EYS: variants seen among roughly 807,000 people sequenced by gnomAD.
EYS encodes the protein EGF-like photoreceptor maintenance factor.
Under a neutral mutation model 282.1 loss-of-function variants are expected in EYS, and 250 were observed. The observed-to-expected ratio is 0.89, with a 90% CI of 0.80 to 0.98. The LOEUF (loss-of-function observed/expected upper bound fraction) is 0.98, where lower values mean the gene tolerates loss of function less well. Ranked by LOEUF, EYS falls within the 50% of genes least tolerant of loss-of-function variation. The pLI, the probability that EYS is intolerant of heterozygous loss-of-function variation, is 0.00. For missense variants in EYS, 4,016 were observed against 3,709.0 expected (o/e 1.08, Z -2.15); for synonymous variants, 1,355 against 1,282.9 (o/e 1.06, Z -1.20).
intron 2 of EYS, among the ~76,000 whole-genome samples, chr6:65,532,177 A>T (rs1308987660): frequency 2.0e-5 from 3 of 152,058 alleles, no homozygotes; most frequent in Non-Finnish European, 4.4e-5. Flanking sequence ...CTACCTGCTA[A>T]ATTATATATA....
intron 2 of EYS, among the ~76,000 whole-genome samples, chr6:65,549,353 T>C (rs1189581585): frequency 1.3e-5 from 2 of 152,204 alleles, no homozygotes; most frequent in African/African-American, 4.8e-5. Context: ...TATAAACTAT[T>C]TTAAAATACT....
chr6:65,191,447 C>T (rs1403089824), intron 12 of EYS, among the ~76,000 whole-genome samples: 2 of 151,758 alleles, frequency 1.3e-5, no homozygotes, highest in East Asian at 3.9e-4. Context: ...ATTTGATTTT[C>T]AGCCTTTGAT....
At chr6:63,980,580 A>G (rs1023941892) in intron 35 of EYS, among the ~76,000 whole-genome samples, 3 of 151,944 alleles carry the variant, frequency 2.0e-5, no homozygotes, top group African/African-American at 7.2e-5. Flanking sequence ...TTGTAAGCCT[A>G]TAAGGAATTT....
intron 12 of EYS, among the ~76,000 whole-genome samples, chr6:65,068,650 C>G (rs1773818662): frequency 6.6e-6 from 1 of 151,884 alleles, no homozygotes; most frequent in African/African-American, 2.4e-5. Context: ...TAGAAACTGG[C>G]CAATACCAGT....
At chr6:64,373,652 G>T (rs1404406338) in intron 29 of EYS, among the ~76,000 whole-genome samples, 4 of 152,180 alleles carry the variant, frequency 2.6e-5, no homozygotes, top group African/African-American at 9.7e-5. Context: ...GAAGAAGTAG[G>T]ACGGCTGAGC....
intron 14 of EYS, among the ~76,000 whole-genome samples, chr6:64,971,647 C>A (rs1770297493): frequency 6.6e-6 from 1 of 152,130 alleles, no homozygotes; most frequent in African/African-American, 2.4e-5. Context: ...CCACTGACAA[C>A]CCCTTGAGTT....
intron 12 of EYS, among the ~76,000 whole-genome samples, chr6:65,168,448 G>T (rs921157454): frequency 6.6e-6 from 1 of 151,200 alleles, no homozygotes; most frequent in African/African-American, 2.4e-5. Flanking sequence ...GCAGACTCAA[G>T]GTGTGGTATA....
Position 63,984,453 on chromosome 6 carries a change from T to C in EYS, c.6985A>G (p.Lys2329Glu), listed in dbSNP as rs1767258304. The C allele has an allele frequency of 1.3e-6, 2 of 1,549,662 alleles. No individual in the cohort carries two copies. The highest frequency in any genetic ancestry group is 2.4e-5 in the South Asian group (2 of 84,052). ...FFIIDEARHG[K>E]NIENCHVPWC... is the part of the protein sequence containing the mutation. ...GGGACGTGGCAGTTCTCAATATTCT[T>C]TCCATGTCGTGCTTCATCGATGATG... The change falls in exon 35 of 43, where the codon AAG becomes GAG. Residue 2329 changes from lysine to glutamate, a missense_variant. Coordinates refer to ENST00000503581, the MANE Select transcript of EYS (RefSeq NM_001142800.2).
intron 33 of EYS, among the ~76,000 whole-genome samples, chr6:64,006,558 C>T (rs1241114022): frequency 6.6e-6 from 1 of 152,102 alleles, no homozygotes; most frequent in African/African-American, 2.4e-5. Flanking sequence ...ACATCCTTTT[C>T]TTGTTCTAGT....
chr6:65,656,225 A>G (rs1029552955), intron 1 of EYS, among the ~76,000 whole-genome samples: 2 of 151,886 alleles, frequency 1.3e-5, no homozygotes, highest in Non-Finnish European at 2.9e-5. Context: ...AATTATGCCA[A>G]TTAGAAACTC....
chr6:65,391,906 C>T (rs1284085677), intron 7 of EYS, among the ~76,000 whole-genome samples: 4 of 152,142 alleles, frequency 2.6e-5, no homozygotes, highest in African/African-American at 9.7e-5. Context: ...CATCACGCTA[C>T]CTGACTTCAA....
In EYS at chr6:64,403,289, T is replaced by C. The variant is rs564845472; in HGVS notation, c.5928-14449A>G. 2.4e-4 allele frequency among the ~76,000 whole-genome samples: 37 copies of C among 152,268 alleles called. 1 individual carries two copies. In the South Asian group the frequency reaches 6.0e-3, roughly 25 times the overall value. On this transcript the variant is annotated intron_variant, in intron 28 of 42. Transcript: ENST00000503581. ...TATTTAAAAATATGGTACTTGACAA[T>C]TTATGAATATTCACAAAATATGTCT...
At chr6:63,765,418 G>T (rs907459354) in intron 40 of EYS, among the ~76,000 whole-genome samples, 1 of 151,914 alleles carries the variant, frequency 6.6e-6, no homozygotes. Context: ...AGATTTGCCC[G>T]TATAAATGTA....
chr6:65,202,306 A>T (rs1765922227), intron 12 of EYS, among the ~76,000 whole-genome samples: 2 of 152,178 alleles, frequency 1.3e-5, no homozygotes, highest in African/African-American at 4.8e-5. Flanking sequence ...CTGATGGCTG[A>T]TATTTAATAA....
intron 31 of EYS, among the ~76,000 whole-genome samples, chr6:64,109,874 T>C (rs1773149980): frequency 6.6e-6 from 1 of 152,084 alleles, no homozygotes; most frequent in Admixed American, 6.6e-5. Flanking sequence ...GTTGTTGGGT[T>C]CAAGTGTGGG....
intron 33 of EYS, among the ~76,000 whole-genome samples, chr6:64,059,488 C>G (rs1344100153): frequency 1.3e-5 from 2 of 152,162 alleles, no homozygotes; most frequent in Non-Finnish European, 2.9e-5. Flanking sequence ...TAAAGATACT[C>G]TGTAGACTCA....
chr6:64,699,980 C>T (rs891337546), intron 22 of EYS, among the ~76,000 whole-genome samples: 2 of 151,736 alleles, frequency 1.3e-5, no homozygotes, highest in African/African-American at 2.4e-5. Context: ...TGTAAAAATC[C>T]CCACCAAAAA....
At chr6:65,597,531 T>A (rs183133930) in intron 2 of EYS, among the ~76,000 whole-genome samples, 8 of 152,196 alleles carry the variant, frequency 5.3e-5, no homozygotes, top group Non-Finnish European at 1.2e-4. Flanking sequence ...AGTTGGAAAG[T>A]ATTAGCTACA....
intron 1 of EYS, among the ~76,000 whole-genome samples, chr6:65,692,249 C>A (rs1562331787): frequency 6.7e-6 from 1 of 149,948 alleles, no homozygotes; most frequent in South Asian, 2.1e-4. Context: ...GAATAATAGG[C>A]ATAGGAGACT....
Sources: gnomAD v4.1 joint callset for allele counts (sites outside exome capture counted in the v4.1 genomes callset) on GRCh38, gnomAD v4.1.1 for gene constraint, MANE v1.5 for transcripts, NCBI Gene and HGNC (gene_info 2026-07-23, HGNC 2026-07-21) for gene names.